FHIP1B: variants seen among roughly 807,000 people sequenced by gnomAD.
The protein encoded by FHIP1B is FHF complex subunit HOOK-interacting protein 1B.
Under a neutral mutation model 82.2 loss-of-function variants are expected in FHIP1B, and 28 were observed. The ratio of observed to expected loss-of-function variants is 0.34; its 90% confidence interval spans 0.25 to 0.47. The LOEUF is 0.47. Among genes scored for constraint, FHIP1B ranks in the 20% least tolerant of loss-of-function variants. The probability of loss-of-function intolerance (pLI) is 1.00; values close to 1 mark genes in which losing one functional copy is unlikely to be tolerated. For missense variants in FHIP1B, 1,110 were observed against 1,262.6 expected, an observed-to-expected ratio of 0.88 and a Z score of 1.83; for synonymous variants, 585 against 516.1, an observed-to-expected ratio of 1.13 and a Z score of -1.81.
At chr11:6,233,798 G>A (rs1055634504) in intron 1 of FHIP1B, among the ~76,000 whole-genome samples, 2 of 152,192 alleles carry the variant, frequency 1.3e-5, no homozygotes, top group Non-Finnish European at 2.9e-5. Flanking sequence ...CAAGTAGAGA[G>A]AAAACACAAG....
chr11:6,229,206 C>A (rs1279839730), intron 1 of FHIP1B, among the ~76,000 whole-genome samples: 1 of 152,288 alleles, frequency 6.6e-6, no homozygotes, highest in South Asian at 2.1e-4. Context: ...ACTCTGGAGT[C>A]CCTCAATGGT....
At chr11:6,218,188 A>T (rs1432250399) in intron 8 of FHIP1B, 38 bp from the exon 9 acceptor site, 8 of 1,576,978 alleles carry the variant, frequency 5.1e-6, no homozygotes, top group African/African-American at 1.4e-5. Context: ...TCAAGGAGAC[A>T]GAGGTTCAGA....
chr11:6,216,178 A>G (rs530069476), intron 9 of FHIP1B, among the ~76,000 whole-genome samples: 1 of 152,244 alleles, frequency 6.6e-6, no homozygotes. Context: ...AATAAATGGA[A>G]AGATAGATTT....
rs1312107203 is a variant in FHIP1B at position 6,217,608 on chromosome 11, G to C, written c.1978C>G (p.Leu660Val). ...RLVPKEGAGE[L>V]LEGISEGMAG... ...ATGCCCTCGGAGATGCCCTCTAGCAGTTCCCCAGCTCCCTCCTTTGGCACC... is the reference window on the plus strand; with the variant it reads ...ATGCCCTCGGAGATGCCCTCTAGCACTTCCCCAGCTCCCTCCTTTGGCACC... Residue 660 changes from leucine (L) to valine (V), a missense_variant, in exon 9 of 12, where the codon CTG becomes GTG. By Grantham distance (32) the Leu-to-Val change is conservative. Coordinates refer to ENST00000449352, the MANE Select transcript of FHIP1B (RefSeq NM_001098794.2). The C allele has an allele frequency of 1.2e-6, 2 of 1,613,734 alleles. No individual in the cohort carries two copies. Among genetic ancestry groups the C allele is most frequent in the South Asian group, 2.2e-5 (2 of 90,994 alleles).
Position 6,223,778 on chromosome 11 carries a change from C to T in FHIP1B, c.609G>A (p.Glu203=), listed in dbSNP as rs780569154. ...GAAGAAGACGGGGAGCGGCTCCAGG[C>T]TCAGGAGGTGGCTGCAGGAAGAACT... ...LLEFFLQPPP[E]PGAAPRLLLF... is the part of the protein sequence containing the mutation. The change falls in exon 3 of 12, where the codon GAG becomes GAA. Residue 203 remains glutamate (E), a synonymous_variant. Coordinates refer to ENST00000449352, the MANE Select transcript of FHIP1B (RefSeq NM_001098794.2). This position sits in a 1 kb window ranked among gnomAD's most constrained non-coding sequence, Gnocchi z 4.8. The T allele has an allele frequency of 1.2e-5, 19 of 1,614,210 alleles. No individual in the cohort carries two copies. Among genetic ancestry groups the T allele is most frequent in the East Asian group, 2.2e-5 (1 of 44,878 alleles).
chr11:6,228,409 C>G (rs542425535), intron 1 of FHIP1B, among the ~76,000 whole-genome samples: 1 of 152,010 alleles, frequency 6.6e-6, no homozygotes, highest in East Asian at 1.9e-4. Flanking sequence ...CAAGAAAAAG[C>G]CTTTTGATTT....
intron 1 of FHIP1B, among the ~76,000 whole-genome samples, chr11:6,230,703 T>G (rs1002104504): frequency 6.6e-6 from 1 of 152,232 alleles, no homozygotes; most frequent in East Asian, 1.9e-4. Context: ...TGAATCCTCA[T>G]GTCACACACA....
rs146576589 is a variant in FHIP1B at position 6,231,202 on chromosome 11, A to C, written c.-192+3342T>G. The stretch of plus-strand genomic sequence containing the variant: ...AGAGAAGAGAGATAACACAGAGCGA[A>C]ATGTATTAAGATTCTAGCAAATGAT... On this transcript the variant is annotated intron_variant, in intron 1 of 11. Coordinates refer to ENST00000449352, the MANE Select transcript of FHIP1B (RefSeq NM_001098794.2). Among the ~76,000 whole-genome samples, 166 of 152,352 alleles carry C rather than the reference A, an allele frequency of 1.1e-3. 3 individuals are homozygous for C. In the East Asian group the frequency reaches 0.029, roughly 26 times the overall value.
At chr11:6,233,642 G>C (rs1430733422) in intron 1 of FHIP1B, among the ~76,000 whole-genome samples, 1 of 152,232 alleles carries the variant, frequency 6.6e-6, no homozygotes, top group Non-Finnish European at 1.5e-5. Context: ...AGGCCATCCT[G>C]TTTGGGATCC....
At position 6,217,428 on chromosome 11, in the gene FHIP1B, G is replaced by T; in HGVS notation, c.2158C>A (p.Pro720Thr). 2 of 1,614,026 alleles carry T rather than the reference G, an allele frequency of 1.2e-6. No homozygotes were observed. Among genetic ancestry groups the T allele is most frequent in the Admixed American group, 3.3e-5 (2 of 60,016 alleles). The change falls in exon 9 of 12, where the codon CCC (proline) becomes ACC (threonine). Residue 720 changes from proline to threonine, a missense_variant. Pro to Thr is a conservative substitution (Grantham distance 38). This residue lies in a region of FHIP1B where 418 missense variants were observed against 371.4 expected (regional missense o/e 1.13). Transcript: ENST00000449352. ...SFTCPPEPPG[P>T]FLSSPLRTLN... ...GTCCGCAAAGGGCTGCTGAGGAAGG[G>T]GCCAGGGGGCTCAGGGGGACAGGTG...
chr11:6,230,351 A>T (rs1698625753), intron 1 of FHIP1B, among the ~76,000 whole-genome samples: 1 of 152,246 alleles, frequency 6.6e-6, no homozygotes, highest in South Asian at 2.1e-4. Flanking sequence ...CTTCCTAGGC[A>T]AGAAGACTAA....
At chr11:6,225,768 T>C (rs529898324) in intron 1 of FHIP1B, among the ~76,000 whole-genome samples, 3 of 152,262 alleles carry the variant, frequency 2.0e-5, no homozygotes, top group African/African-American at 7.2e-5. Flanking sequence ...CAGTGACCTA[T>C]GGGAGATGAG....
At chr11:6,231,718 C>T (rs1383656495) in intron 1 of FHIP1B, among the ~76,000 whole-genome samples, 1 of 151,914 alleles carries the variant, frequency 6.6e-6, no homozygotes, top group Non-Finnish European at 1.5e-5. Context: ...AAAATGTTGC[C>T]CAGGTTGGTC....
rs1847672710 is a variant in FHIP1B at position 6,230,613 on chromosome 11, TCTC to T, written c.-192+3928_-192+3930del. 3.3e-5 allele frequency among the ~76,000 whole-genome samples: 5 copies of T among 152,160 alleles called. No individual in the cohort carries two copies. The South Asian group carries it at 1.0e-3, about 31-fold the overall frequency. ...ATATCACTTCTGCTTCTTGCAGGGA[TCTC>T]CTCATCTGACTCCAGCGGGGTCCAT... On this transcript the variant is annotated intron_variant, in intron 1 of 11. Coordinates refer to ENST00000449352, the MANE Select transcript of FHIP1B (RefSeq NM_001098794.2).
At chr11:6,216,499 G>A (rs576988455) in intron 9 of FHIP1B, 1 of 154,522 alleles carries the variant, frequency 6.5e-6, no homozygotes, top group Admixed American at 6.4e-5. Context: ...TCCAAGGCCT[G>A]TGATCTTAGC....
Position 6,217,793 on chromosome 11 carries a change from A to C in FHIP1B, c.1793T>G (p.Leu598Arg). The change falls in exon 9 of 12, where the codon CTG becomes CGG. Residue 598 changes from leucine to arginine, a missense_variant. By Grantham distance (102) the Leu-to-Arg change is moderately radical (BLOSUM62 -2). Around this residue, in one of 6 missense-constraint regions of FHIP1B, gnomAD observed 418 missense variants for 371.4 expected, o/e 1.13. Transcript: ENST00000449352. ...FGSRTKKRSL[L>R]PEEDRNNVGE... Reference sequence around the variant, plus strand: ...CACGTTGTTCCTGTCCTCCTCAGGCAGTAGGCTGCGTTTCTTAGTCCGGGA... The same window carrying C: ...CACGTTGTTCCTGTCCTCCTCAGGCCGTAGGCTGCGTTTCTTAGTCCGGGA... 6.3e-7 allele frequency: 1 copy of C among 1,588,412 alleles called. No homozygotes were observed. Among genetic ancestry groups the C allele is most frequent in the South Asian group, 1.1e-5 (1 of 90,204 alleles).
chr11:6,227,890 TG>T lies in FHIP1B; in HGVS notation c.-191-3184del, dbSNP rs1847603174. Among the ~76,000 whole-genome samples the T allele has an allele frequency of 2.6e-5, 4 of 152,312 alleles. No individual in the cohort carries two copies. In the South Asian group the frequency reaches 8.3e-4, roughly 32 times the overall value. The stretch of plus-strand genomic sequence containing the variant: ...TCAAAGAAAGGAAGTTTCAAGAAAC[TG>T]GAGGTTGCCCATAGTGTATAGTTCT... On this transcript the variant is annotated intron_variant, in intron 1 of 11. Transcript: ENST00000449352.
At chr11:6,227,490 C>T (rs574047003) in intron 1 of FHIP1B, among the ~76,000 whole-genome samples, 38 of 152,306 alleles carry the variant, frequency 2.5e-4, no homozygotes, top group Non-Finnish European at 4.7e-4. Context: ...AAGCCATTAA[C>T]AGACTAGAAA....
chr11:6,231,334 C>G lies in FHIP1B; in HGVS notation c.-192+3210G>C, dbSNP rs181208465. Among the ~76,000 whole-genome samples the G allele has an allele frequency of 1.8e-4, 28 of 151,956 alleles. No individual in the cohort carries two copies. The East Asian group carries it at 3.9e-3, about 21-fold the overall frequency. On this transcript the variant is annotated intron_variant, in intron 1 of 11. Coordinates refer to ENST00000449352, the MANE Select transcript of FHIP1B (RefSeq NM_001098794.2). ...CAAAGTCGGGCTTTTGGGGCAAAGA[C>G]TATGAATTCTGTTTTGGACATGTTA... is the stretch of plus-strand genomic sequence containing the variant.
Sources: allele counts gnomAD v4.1 joint callset (sites outside exome capture counted in the v4.1 genomes callset), GRCh38; gene constraint gnomAD v4.1.1; regional missense constraint gnomAD v4.1.1; non-coding constraint Gnocchi (gnomAD v3.1); transcripts MANE v1.5; gene names NCBI Gene and HGNC (gene_info 2026-07-23, HGNC 2026-07-21).